The following NFIA variants were observed in gnomAD, a reference collection of about 807,000 sequenced individuals.
The protein encoded by NFIA is nuclear factor 1 A-type.
In NFIA, 8 loss-of-function variants were observed where a neutral mutation model predicts 62.8. The observed-to-expected ratio is 0.13, with a 90% confidence interval of 0.07 to 0.23. The LOEUF is 0.23. Among genes scored for constraint, NFIA ranks in the 10% least tolerant of loss-of-function variants. NFIA has a pLI of 1.00. For synonymous variants in NFIA, 235 were observed against 238.1 expected (o/e 0.99, Z 0.12); for missense variants, 410 against 642.1 (o/e 0.64, Z 3.91).
At chr1:61,420,033 G>C (rs1335215943) in intron 9 of NFIA, among the ~76,000 whole-genome samples, 1 of 152,124 alleles carries the variant, frequency 6.6e-6, no homozygotes, top group Non-Finnish European at 1.5e-5. Context: ...TAAACATCTG[G>C]ATAAAAACTA....
At chr1:61,090,454 A>C (rs569767611) in intron 2 of NFIA, among the ~76,000 whole-genome samples, 1 of 152,310 alleles carries the variant, frequency 6.6e-6, no homozygotes, top group South Asian at 2.1e-4. Context: ...GTCCATTCTA[A>C]GTTTTCGTCT....
chr1:61,256,306 C>G (rs1028994323), intron 2 of NFIA, among the ~76,000 whole-genome samples: 1 of 151,646 alleles, frequency 6.6e-6, no homozygotes, highest in Non-Finnish European at 1.5e-5. Flanking sequence ...TGTGGTGGTG[C>G]GTGCCTGTAA....
chr1:61,364,240 C>T (rs1663464536), intron 6 of NFIA, among the ~76,000 whole-genome samples: 1 of 152,180 alleles, frequency 6.6e-6, no homozygotes, highest in Non-Finnish European at 1.5e-5. Context: ...GCCCACCACG[C>T]CAGGCCATCT....
intron 9 of NFIA, among the ~76,000 whole-genome samples, chr1:61,413,615 C>CTTTTTTTTTTTT (rs869258274): frequency 2.9e-5 from 2 of 68,374 alleles, no homozygotes; most frequent in Non-Finnish European, 2.5e-5. Context: ...AAGTATTTTG[C>CTTTTTTTTTTTT]TTTTTTTTTT....
At chr1:61,337,074 A>G (rs557661662) in intron 4 of NFIA, among the ~76,000 whole-genome samples, 1 of 152,282 alleles carries the variant, frequency 6.6e-6, no homozygotes, top group South Asian at 2.1e-4. Context: ...TGAAATAACT[A>G]TGTCCTAAGT....
rs548375885 is a variant in NFIA, at chr1:61,406,546, C to CG, written c.1255-16_1255-15insG. The stretch of plus-strand genomic sequence containing the variant: ...TTTTCTTGTACGTGTGTTTTCTGCC[C>CG]CCCCCCCCCCCACAGCCCAATGGGA... On this transcript the variant is annotated splice_polypyrimidine_tract_variant and intron_variant, in intron 8 of 10. Coordinates refer to ENST00000403491, the MANE Select transcript of NFIA (RefSeq NM_001134673.4). The CG allele has an allele frequency of 1.4e-5, 8 of 581,976 alleles. No individual in the cohort carries two copies. Among genetic ancestry groups the CG allele is most frequent in the Non-Finnish European group, 1.2e-5 (5 of 401,122 alleles). The allele number at this position is 581,976 out of a possible 1,614,324, so 36.1% of individuals were successfully genotyped here.
chr1:61,210,808 T>G (rs1653202095), intron 2 of NFIA, among the ~76,000 whole-genome samples: 1 of 152,216 alleles, frequency 6.6e-6, no homozygotes, highest in Non-Finnish European at 1.5e-5. Flanking sequence ...TCCCCTTTCC[T>G]TGGCTCTCTT....
chr1:61,397,494 C>T (rs1665337496), intron 7 of NFIA, among the ~76,000 whole-genome samples: 1 of 152,174 alleles, frequency 6.6e-6, no homozygotes, highest in Admixed American at 6.5e-5. Flanking sequence ...GGTCCTAGCA[C>T]ACAGGAGCAA....
Position 61,409,956 on chromosome 1 carries a change from C to T in NFIA, c.1420+3229C>T, listed in dbSNP as rs563551473. Among the ~76,000 whole-genome samples the T allele has an allele frequency of 2.0e-5, 3 of 152,328 alleles. No homozygotes were observed. The East Asian group carries it at 5.8e-4, about 29-fold the overall frequency. On this transcript the variant is annotated intron_variant, in intron 9 of 10. Coordinates refer to ENST00000403491, the MANE Select transcript of NFIA (RefSeq NM_001134673.4). Reference sequence around the variant, plus strand: ...ATATCAGGAGTGAAGTAGCTTCTCCCTCCCTTAACATTCATCTTTGATGAC... The same window carrying T: ...ATATCAGGAGTGAAGTAGCTTCTCCTTCCCTTAACATTCATCTTTGATGAC...
At chr1:61,152,894 A>C (rs537452754) in intron 2 of NFIA, among the ~76,000 whole-genome samples, 1 of 152,272 alleles carries the variant, frequency 6.6e-6, no homozygotes, top group South Asian at 2.1e-4. Flanking sequence ...GAGAGAGGGC[A>C]GGGAGTTAAA....
At chr1:61,174,674 A>T (rs1402234369) in intron 2 of NFIA, among the ~76,000 whole-genome samples, 1 of 152,232 alleles carries the variant, frequency 6.6e-6, no homozygotes, top group African/African-American at 2.4e-5. Flanking sequence ...TGATTCCACA[A>T]GATGATGTGG....
intron 2 of NFIA, among the ~76,000 whole-genome samples, chr1:61,179,580 G>A (rs1324781173): frequency 1.3e-5 from 2 of 152,194 alleles, no homozygotes; most frequent in Non-Finnish European, 2.9e-5. Flanking sequence ...GGAGTACTAG[G>A]TGCTAGCAGA....
intron 1 of NFIA, among the ~76,000 whole-genome samples, chr1:61,086,504 C>T (rs1281468462): frequency 1.3e-5 from 2 of 152,046 alleles, no homozygotes; most frequent in Non-Finnish European, 1.5e-5. Context: ...AGAATGCACA[C>T]GTGTTACAAA....
At chr1:61,178,546 G>C (rs1044561534) in intron 2 of NFIA, among the ~76,000 whole-genome samples, 3 of 152,306 alleles carry the variant, frequency 2.0e-5, no homozygotes, top group Admixed American at 2.0e-4. Context: ...TGTGTAACCA[G>C]ATAGGTGGAA....
intron 2 of NFIA, among the ~76,000 whole-genome samples, chr1:61,199,131 C>T (rs940849853): frequency 2.6e-5 from 4 of 152,192 alleles, no homozygotes; most frequent in Non-Finnish European, 4.4e-5. Context: ...ATGTGGTTCT[C>T]GTGTTTCCAG....
intron 4 of NFIA, among the ~76,000 whole-genome samples, chr1:61,338,438 C>G (rs1269031246): frequency 6.6e-6 from 1 of 152,230 alleles, no homozygotes; most frequent in East Asian, 1.9e-4. Context: ...TGCGCTCTTT[C>G]TATATTTTCA....
intron 2 of NFIA, among the ~76,000 whole-genome samples, chr1:61,108,289 T>C (rs1646638844): frequency 6.6e-6 from 1 of 151,714 alleles, no homozygotes; most frequent in Non-Finnish European, 1.5e-5. Context: ...TCTTCATTTA[T>C]TTAGATCTTA....
chr1:61,352,806 G>T (rs536412702), intron 5 of NFIA, among the ~76,000 whole-genome samples: 1 of 151,510 alleles, frequency 6.6e-6, no homozygotes, highest in South Asian at 2.1e-4. Context: ...AAAAAACTGT[G>T]AACTAAATTG....
At chr1:61,316,277 A>G (rs542761252) in intron 3 of NFIA, among the ~76,000 whole-genome samples, 7 of 152,326 alleles carry the variant, frequency 4.6e-5, no homozygotes, top group Admixed American at 2.0e-4. Context: ...GCATTTCAAA[A>G]GAATTGTAAT....
Sources: gnomAD v4.1 joint callset for allele counts (sites outside exome capture counted in the v4.1 genomes callset) on GRCh38, gnomAD v4.1.1 for gene constraint, MANE v1.5 for transcripts, NCBI Gene and HGNC (gene_info 2026-07-23, HGNC 2026-07-21) for gene names.